SAG: variants seen among roughly 807,000 people sequenced by gnomAD.
The protein encoded by SAG is S-arrestin.
Under a neutral mutation model 55.0 loss-of-function variants are expected in SAG, and 45 were observed. The observed-to-expected ratio is 0.82, with a 90% CI of 0.64 to 1.05. The LOEUF (loss-of-function observed/expected upper bound fraction) is 1.05, where lower values mean the gene tolerates loss of function less well. Ranked by LOEUF, SAG falls within the 50% of genes least tolerant of loss-of-function variation. SAG has a pLI of 0.00. For synonymous variants in SAG, 189 were observed against 197.4 expected (o/e 0.96, Z 0.36); for missense variants, 455 against 512.1 (o/e 0.89, Z 1.08).
intron 14 of SAG, chr2:233,344,995 A>T (rs1295867911): frequency 6.6e-6 from 1 of 152,172 alleles, no homozygotes; most frequent in East Asian, 1.9e-4. Flanking sequence ...TTTCTTGCTC[A>T]GGGGATGTTT....
chr2:233,311,373 C>T (rs544458345), intron 2 of SAG, among the ~76,000 whole-genome samples: 9 of 152,232 alleles, frequency 5.9e-5, no homozygotes, highest in Admixed American at 1.3e-4. Flanking sequence ...TTGTAAGGGT[C>T]AGGAAATCTT....
In SAG at chr2:233,316,045, C is replaced by T. The variant is rs115920608; in HGVS notation, c.76-30C>T. On this transcript the variant is annotated intron_variant, in intron 2 of 15. Transcript: ENST00000409110. ...GATGCCTTAGCTTAGCATTCTTTGG[C>T]CCTTAGACCCACACCTGTTCTTCTT... The T allele has an allele frequency of 4.2e-4, 595 of 1,420,798 alleles. 2 individuals are homozygous for T. The African/African-American group carries it at 7.3e-3, about 17-fold the overall frequency. 88.0% of individuals were successfully genotyped at this position (1,420,798 alleles called of 1,614,324 possible).
rs1700325974 is a variant in SAG at position 233,319,827 on chromosome 2, C to T, written c.182-803C>T. 1.0e-6 allele frequency: 1 copy of T among 985,528 alleles called. No individual in the cohort carries two copies. Among genetic ancestry groups the T allele is most frequent in the African/African-American group, 1.7e-5 (1 of 57,212 alleles). 61.0% of individuals were successfully genotyped at this position (985,528 alleles called of 1,614,324 possible). ...GCTTGAATGAGGGGCGAGTGAGTGG[C>T]CACTGTTTCTTCTGAGTCAGCAGCG... is the stretch of plus-strand genomic sequence containing the variant. On this transcript the variant is annotated intron_variant, in intron 4 of 15. Transcript: ENST00000409110. The surrounding 1 kb of genome is among the most constrained non-coding windows in gnomAD (Gnocchi z 4.4).
rs368776561 is a variant in SAG at position 233,318,794 on chromosome 2, A to G, written c.180A>G (p.Lys60=). 2.5e-5 allele frequency: 41 copies of G among 1,613,520 alleles called. No individual in the cohort carries two copies. The African/African-American group carries it at 4.4e-4, about 17-fold the overall frequency. Residue 60 remains lysine, a splice_region_variant and synonymous_variant, in exon 4 of 16, where the codon AAA becomes AAG. Coordinates refer to ENST00000409110, the MANE Select transcript of SAG (RefSeq NM_000541.5). ...LVDPDLVKGK[K]VYVTLTCAFR... ...ATCCTGATCTTGTGAAGGGAAAGAA[A>G]GGTGAGATGAAGCCCCTTGTCTCAG...
chr2:233,311,221 A>T (rs1318388604), intron 2 of SAG, among the ~76,000 whole-genome samples: 1 of 152,102 alleles, frequency 6.6e-6, no homozygotes, highest in African/African-American at 2.4e-5. Context: ...CTCTGAGCCC[A>T]TTTCTCTGTG....
chr2:233,331,789 G>C, intron 10 of SAG, 77 bp downstream of exon 10: 1 of 1,004,848 alleles, frequency 1.0e-6, no homozygotes, highest in Non-Finnish European at 1.6e-6. Flanking sequence ...TATTGCTGAA[G>C]AAGGAACTAG....
At chr2:233,343,864 C>A in intron 14 of SAG, 1 of 566,432 alleles carries the variant, frequency 1.8e-6, no homozygotes, top group Middle Eastern at 8.2e-4. Context: ...GCCGTTTAAA[C>A]ATTAGAATGA....
intron 3 of SAG, among the ~76,000 whole-genome samples, chr2:233,318,209 G>A (rs1398981825): frequency 6.6e-6 from 1 of 152,048 alleles, no homozygotes; most frequent in African/African-American, 2.4e-5. Flanking sequence ...CTATTACCCA[G>A]GCTGGAGTGC....
At chr2:233,343,455 G>C (rs906727009) in intron 14 of SAG, 3 of 217,942 alleles carry the variant, frequency 1.4e-5, no homozygotes, top group African/African-American at 7.1e-5. Context: ...GGTCAGGCTG[G>C]GTTCCTGACA....
At chr2:233,329,417 G>GA in intron 8 of SAG, 76 bp from the exon 9 acceptor site, 1 of 859,554 alleles carries the variant, frequency 1.2e-6, no homozygotes, top group South Asian at 1.4e-5. Flanking sequence ...GGATTGAGAT[G>GA]AATCTAGAAA....
chr2:233,328,763 T>A, intron 8 of SAG, 150 bp downstream of exon 8: 1 of 825,864 alleles, frequency 1.2e-6, no homozygotes, highest in Non-Finnish European at 1.8e-6. Flanking sequence ...CGTAAGTGAC[T>A]GGCCTGTTTT....
Position 233,309,154 on chromosome 2 carries a change from A to G in SAG, c.-28-8A>G. ...TCCAACCCTCTAACACCTGACCAAC[A>G]CCCCAAGGTGGTAGAAGTTGCCAGG... On this transcript the variant is annotated splice_region_variant and splice_polypyrimidine_tract_variant and intron_variant, in intron 1 of 15. Coordinates refer to ENST00000409110, the MANE Select transcript of SAG (RefSeq NM_000541.5). 1 of 1,579,512 alleles carries G rather than the reference A, an allele frequency of 6.3e-7. No individual in the cohort carries two copies. The highest frequency in any genetic ancestry group is 8.7e-7 in the Non-Finnish European group (1 of 1,149,974).
At chr2:233,312,162 C>T (rs762886329) in intron 2 of SAG, among the ~76,000 whole-genome samples, 4 of 152,112 alleles carry the variant, frequency 2.6e-5, no homozygotes, top group African/African-American at 9.7e-5. Context: ...CCTCATGCAC[C>T]TTAAGAACAA....
At chr2:233,329,422 T>C (rs1234847055) in intron 8 of SAG, 71 bp from the exon 9 acceptor site, 7 of 903,418 alleles carry the variant, frequency 7.7e-6, no homozygotes, top group Non-Finnish European at 1.3e-5. Flanking sequence ...GAGATGAATC[T>C]AGAAAGCAGT....
intron 8 of SAG, chr2:233,328,871 G>A (rs575943462): frequency 7.4e-5 from 31 of 421,232 alleles, no homozygotes; most frequent in Non-Finnish European, 1.1e-4. Flanking sequence ...AGGAAGGGGC[G>A]CTGCTTTTCA....
At chr2:233,335,206 G>C in intron 11 of SAG, 107 bp downstream of exon 11, 3 of 1,385,314 alleles carry the variant, frequency 2.2e-6, no homozygotes, top group South Asian at 2.8e-5. Flanking sequence ...GTGCAGCATG[G>C]TGGTCTGGCG....
intron 10 of SAG, chr2:233,333,980 T>G (rs1355813885): frequency 6.6e-6 from 1 of 152,162 alleles, no homozygotes; most frequent in Non-Finnish European, 1.5e-5. Context: ...AGTTCAGACT[T>G]CCAGCTGTCT....
intron 13 of SAG, among the ~76,000 whole-genome samples, chr2:233,341,104 A>G (rs1701087457): frequency 6.6e-6 from 1 of 152,040 alleles, no homozygotes; most frequent in East Asian, 1.9e-4. Context: ...ATGAGCCACC[A>G]CACCTGGCAA....
At chr2:233,312,513 A>G (rs1377299433) in intron 2 of SAG, among the ~76,000 whole-genome samples, 2 of 152,232 alleles carry the variant, frequency 1.3e-5, no homozygotes, top group Non-Finnish European at 2.9e-5. Context: ...ATGCTATTTA[A>G]TTCTTCCAAA....
Sources: gnomAD v4.1 joint callset for allele counts (sites outside exome capture counted in the v4.1 genomes callset) on GRCh38, gnomAD v4.1.1 for gene constraint, Gnocchi (gnomAD v3.1) non-coding constraint, MANE v1.5 for transcripts, NCBI Gene and HGNC (gene_info 2026-07-23, HGNC 2026-07-21) for gene names.